The following CDH18 variants were observed in gnomAD, a reference collection of about 807,000 sequenced individuals.
CDH18 encodes the protein cadherin 18.
In CDH18, 31 loss-of-function variants were observed where a neutral mutation model predicts 67.9. The observed-to-expected ratio is 0.46, with a 90% CI of 0.34 to 0.62. The LOEUF (loss-of-function observed/expected upper bound fraction) is 0.62. CDH18 is among the 20% of genes least tolerant of loss of function. The pLI, the probability that CDH18 is intolerant of heterozygous loss-of-function variation, is 0.01. For synonymous variants in CDH18, 362 were observed against 347.2 expected, an observed-to-expected ratio of 1.04 and a Z score of -0.48; for missense variants, 890 against 975.5, an observed-to-expected ratio of 0.91 and a Z score of 1.17.
intron 4 of CDH18, among the ~76,000 whole-genome samples, chr5:19,731,349 G>A (rs1767569059): frequency 6.6e-6 from 1 of 152,124 alleles, no homozygotes; most frequent in Non-Finnish European, 1.5e-5. Flanking sequence ...TACTCGGGAG[G>A]CTGAGGCAGG....
intron 2 of CDH18, among the ~76,000 whole-genome samples, chr5:19,951,637 A>C (rs1228180037): frequency 2.0e-5 from 3 of 152,106 alleles, no homozygotes; most frequent in Admixed American, 6.6e-5. Context: ...CTCTGGGATT[A>C]ATACATATGT....
intron 2 of CDH18, among the ~76,000 whole-genome samples, chr5:19,880,325 C>T (rs1320639750): frequency 6.6e-6 from 1 of 151,884 alleles, no homozygotes; most frequent in Admixed American, 6.6e-5. Flanking sequence ...ATTCAGCTTC[C>T]AAACAACAAA....
rs184707891 is a variant in CDH18 at position 19,589,865 on chromosome 5, A to G, written c.999+1192T>C. 3.2e-4 allele frequency among the ~76,000 whole-genome samples: 49 copies of G among 152,228 alleles called. No homozygotes were observed. In the East Asian group the frequency reaches 9.5e-3, roughly 29 times the overall value. On this transcript the variant is annotated intron_variant, in intron 7 of 12. Transcript: ENST00000382275. ...GTCTTCCTGAAATAGTCATCCTTAC[A>G]GTCTATATCTAATTTACTCCTAGGC... is the stretch of plus-strand genomic sequence containing the variant.
intron 2 of CDH18, among the ~76,000 whole-genome samples, chr5:20,108,748 C>T (rs1255341517): frequency 1.3e-5 from 2 of 152,224 alleles, no homozygotes; most frequent in South Asian, 2.1e-4. Flanking sequence ...GTACTTCTGC[C>T]ATTATCATCC....
intron 2 of CDH18, among the ~76,000 whole-genome samples, chr5:20,242,640 A>ATATATACATATATATGTATATATATATG (rs1561906132): frequency 7.2e-6 from 1 of 138,044 alleles, no homozygotes; most frequent in African/African-American, 2.8e-5. Flanking sequence ...ATATGTATAT[A>ATATATACATATATATGTATATATATATG]TATATATATA....
chr5:20,093,220 C>T (rs991445124), intron 2 of CDH18, among the ~76,000 whole-genome samples: 1 of 151,954 alleles, frequency 6.6e-6, no homozygotes, highest in Admixed American at 6.6e-5. Flanking sequence ...CACACATACA[C>T]ACACACATAA....
intron 1 of CDH18, among the ~76,000 whole-genome samples, chr5:20,567,873 C>T (rs903867493): frequency 6.6e-5 from 10 of 151,996 alleles, no homozygotes; most frequent in Admixed American, 2.0e-4. Flanking sequence ...GTCTTTGCAG[C>T]CCCTTGAATA....
intron 5 of CDH18, among the ~76,000 whole-genome samples, chr5:19,651,910 T>C (rs889436611): frequency 3.9e-5 from 6 of 152,022 alleles, no homozygotes; most frequent in Non-Finnish European, 7.4e-5. Context: ...AGTTTCCTCA[T>C]TTAGAAAATA....
intron 1 of CDH18, among the ~76,000 whole-genome samples, chr5:20,477,184 A>T (rs1752498384): frequency 6.6e-6 from 1 of 152,042 alleles, no homozygotes; most frequent in Non-Finnish European, 1.5e-5. Flanking sequence ...ATTAGGGAGA[A>T]AAATATACAC....
chr5:19,899,935 G>A (rs547361023), intron 2 of CDH18, among the ~76,000 whole-genome samples: 2 of 152,212 alleles, frequency 1.3e-5, no homozygotes, highest in Non-Finnish European at 2.9e-5. Flanking sequence ...GCCTGGAAGA[G>A]GGGGAAACAG....
chr5:20,054,060 T>C (rs942768556), intron 2 of CDH18, among the ~76,000 whole-genome samples: 2 of 152,128 alleles, frequency 1.3e-5, no homozygotes, highest in Non-Finnish European at 2.9e-5. Context: ...CTGTAGGTAA[T>C]TTTTCGTATT....
At chr5:20,365,311 C>G (rs908727450) in intron 1 of CDH18, among the ~76,000 whole-genome samples, 2 of 152,108 alleles carry the variant, frequency 1.3e-5, no homozygotes, top group Non-Finnish European at 2.9e-5. Flanking sequence ...ACATCTAATT[C>G]TAATTGCCTC....
chr5:19,926,145 A>C (rs1031359280), intron 2 of CDH18, among the ~76,000 whole-genome samples: 4 of 152,142 alleles, frequency 2.6e-5, no homozygotes, highest in African/African-American at 9.7e-5. Context: ...TTTATTGAAA[A>C]AAATTGCATA....
At chr5:19,940,511 G>C (rs1342671535) in intron 2 of CDH18, among the ~76,000 whole-genome samples, 1 of 151,964 alleles carries the variant, frequency 6.6e-6, no homozygotes. Context: ...TTTACTATTT[G>C]GCTTATGTAG....
At chr5:19,630,857 C>G (rs1580598263) in intron 5 of CDH18, among the ~76,000 whole-genome samples, 1 of 151,976 alleles carries the variant, frequency 6.6e-6, no homozygotes, top group East Asian at 1.9e-4. Flanking sequence ...GATTATAGAG[C>G]AAGACCTGAA....
chr5:20,073,835 C>T (rs1263806969), intron 2 of CDH18, among the ~76,000 whole-genome samples: 4 of 152,008 alleles, frequency 2.6e-5, no homozygotes, highest in Non-Finnish European at 5.9e-5. Context: ...TATTTCAATA[C>T]TTTCAGGATT....
intron 2 of CDH18, among the ~76,000 whole-genome samples, chr5:20,100,269 A>T (rs1353363525): frequency 6.6e-6 from 1 of 152,146 alleles, no homozygotes; most frequent in Non-Finnish European, 1.5e-5. Context: ...TCTTGTAATC[A>T]TTTATCTAAT....
At chr5:20,557,506 C>T (rs546290540) in intron 1 of CDH18, among the ~76,000 whole-genome samples, 53 of 152,034 alleles carry the variant, frequency 3.5e-4, no homozygotes, top group Admixed American at 7.2e-4. Flanking sequence ...TACAAGAAAT[C>T]AGTATAGGTC....
intron 1 of CDH18, among the ~76,000 whole-genome samples, chr5:20,505,020 G>T (rs1460152096): frequency 2.0e-5 from 3 of 151,988 alleles, no homozygotes; most frequent in African/African-American, 7.2e-5. Flanking sequence ...AGCCGCTTCG[G>T]CCTCCCAAAG....
Sources: allele counts gnomAD v4.1 joint callset (sites outside exome capture counted in the v4.1 genomes callset), GRCh38; gene constraint gnomAD v4.1.1; transcripts MANE v1.5; gene names NCBI Gene and HGNC (gene_info 2026-07-23, HGNC 2026-07-21).